The following DCTPP1 variants were observed in gnomAD, a reference collection of about 807,000 sequenced individuals.
DCTPP1 encodes dCTP pyrophosphatase 1, also known as XTP3-transactivated gene A protein.
Under a neutral mutation model 8.8 loss-of-function variants are expected in DCTPP1, and 8 were observed. The observed-to-expected ratio is 0.91, with a 90% CI of 0.54 to 1.64. The LOEUF is 1.64. DCTPP1 is among the 40% of genes most tolerant of loss of function. DCTPP1 has a pLI of 0.00. For synonymous variants in DCTPP1, 85 were observed against 92.1 expected, an observed-to-expected ratio of 0.92 and a Z score of 0.44; for missense variants, 231 against 230.4, an observed-to-expected ratio of 1.00 and a Z score of -0.02.
At chr16:30,427,353 C>G (rs1223943530) in intron 2 of DCTPP1, among the ~76,000 whole-genome samples, 2 of 151,488 alleles carry the variant, frequency 1.3e-5, no homozygotes, top group Non-Finnish European at 2.9e-5. Flanking sequence ...TGCTCTGTCG[C>G]CCAGGCTGGA....
intron 2 of DCTPP1, among the ~76,000 whole-genome samples, chr16:30,428,573 T>C (rs377113337): frequency 6.6e-6 from 1 of 151,760 alleles, no homozygotes; most frequent in Non-Finnish European, 1.5e-5. Context: ...AATTTGAGAC[T>C]AGCCTGACCA....
chr16:30,428,824 T>G, intron 2 of DCTPP1: 1 of 424,010 alleles, frequency 2.4e-6, no homozygotes, highest in South Asian at 6.8e-5. Flanking sequence ...TGCCACTGCT[T>G]CTTCCTAGAC....
At chr16:30,424,563 T>A in intron 2 of DCTPP1, 30 bp from the exon 3 acceptor site, 2 of 1,604,288 alleles carry the variant, frequency 1.2e-6, no homozygotes, top group Middle Eastern at 1.9e-4. Flanking sequence ...AGACACACAC[T>A]CAGATGTAAC....
chr16:30,427,319 T>G (rs77678079), intron 2 of DCTPP1, among the ~76,000 whole-genome samples: 2 of 141,016 alleles, frequency 1.4e-5, no homozygotes, highest in Non-Finnish European at 3.1e-5. Flanking sequence ...CCCTTTTTTG[T>G]TTTTTTTTTT....
At chr16:30,428,239 C>T (rs1224039472) in intron 2 of DCTPP1, among the ~76,000 whole-genome samples, 1 of 152,228 alleles carries the variant, frequency 6.6e-6, no homozygotes, top group Non-Finnish European at 1.5e-5. Flanking sequence ...TATCACTCAT[C>T]CAACGTGTGC....
chr16:30,427,024 T>A, intron 2 of DCTPP1, among the ~76,000 whole-genome samples: 1 of 150,220 alleles, frequency 6.7e-6, no homozygotes, highest in South Asian at 2.1e-4. Flanking sequence ...TTTTTTTTTT[T>A]TTTGAGACGG....
chr16:30,424,703 C>G (rs1260637624), intron 2 of DCTPP1, among the ~76,000 whole-genome samples, 170 bp from the exon 3 acceptor site: 1 of 152,214 alleles, frequency 6.6e-6, no homozygotes, highest in African/African-American at 2.4e-5. Flanking sequence ...ATGTCTGTGT[C>G]TCTCCCTGGG....
In DCTPP1 at chr16:30,424,227, A is replaced by G; in HGVS notation, c.*6T>C. On this transcript the variant is annotated 3_prime_UTR_variant, in exon 3 of 3. Transcript: ENST00000319285. ...ACCCTGAGTTGCAAGTCCTGTGGCC[A>G]TCTTTCTAGGTTGAGGTCTGGCCTG... is the stretch of plus-strand genomic sequence containing the variant. The G allele has an allele frequency of 6.2e-7, 1 of 1,612,282 alleles. No homozygotes were observed. The highest frequency in any genetic ancestry group is 8.5e-7 in the Non-Finnish European group (1 of 1,178,606).
Position 30,430,014 on chromosome 16 carries a change from A to T in DCTPP1, c.-34T>A. The T allele has an allele frequency of 7.0e-7, 1 of 1,419,752 alleles. No individual in the cohort carries two copies. Among genetic ancestry groups the T allele is most frequent in the Non-Finnish European group, 9.2e-7 (1 of 1,084,306 alleles). 87.9% of individuals were successfully genotyped at this position (1,419,752 alleles called of 1,614,324 possible). ...CCGCTGCACCGCGACTTCACGGAAA[A>T]CCCACGAGCCACGCTCGAAGCCCCG... On this transcript the variant is annotated 5_prime_UTR_variant, in exon 1 of 3. Coordinates refer to ENST00000319285, the MANE Select transcript of DCTPP1 (RefSeq NM_024096.2).
chr16:30,424,203 C>G lies in DCTPP1; in HGVS notation c.*30G>C, dbSNP rs773840691. The G allele has an allele frequency of 6.2e-7, 1 of 1,607,966 alleles. No individual in the cohort carries two copies. The highest frequency in any genetic ancestry group is 1.7e-5 in the Admixed American group (1 of 59,692). On this transcript the variant is annotated 3_prime_UTR_variant, in exon 3 of 3. Coordinates refer to ENST00000319285, the MANE Select transcript of DCTPP1 (RefSeq NM_024096.2). Reference sequence around the variant, plus strand: ...GCCACTCTCTGCTCTTCAGACACCACCCTGAGTTGCAAGTCCTGTGGCCAT... The same window carrying G: ...GCCACTCTCTGCTCTTCAGACACCAGCCTGAGTTGCAAGTCCTGTGGCCAT...
At chr16:30,429,451 G>T (rs1410046402) in intron 1 of DCTPP1, 1 of 419,542 alleles carries the variant, frequency 2.4e-6, no homozygotes, top group African/African-American at 2.1e-5. Context: ...CCTCCACCTG[G>T]AATCGCCGCA....
Position 30,430,020 on chromosome 16 carries a change from G to A in DCTPP1, c.-40C>T, listed in dbSNP as rs1260915649. 3.5e-6 allele frequency: 5 copies of A among 1,422,234 alleles called. No homozygotes were observed. Among genetic ancestry groups the A allele is most frequent in the Non-Finnish European group, 2.8e-6 (3 of 1,083,980 alleles). The allele number at this position is 1,422,234 out of a possible 1,614,324, so 88.1% of individuals were successfully genotyped here. ...CACCGCGACTTCACGGAAAACCCACGAGCCACGCTCGAAGCCCCGCCTCCA... is the reference window on the plus strand; with the variant it reads ...CACCGCGACTTCACGGAAAACCCACAAGCCACGCTCGAAGCCCCGCCTCCA... On this transcript the variant is annotated 5_prime_UTR_variant, in exon 1 of 3. Coordinates refer to ENST00000319285, the MANE Select transcript of DCTPP1 (RefSeq NM_024096.2).
At chr16:30,425,993 C>A (rs1486787352) in intron 2 of DCTPP1, among the ~76,000 whole-genome samples, 4 of 152,220 alleles carry the variant, frequency 2.6e-5, no homozygotes, top group Admixed American at 1.3e-4. Flanking sequence ...CACTCCCCGC[C>A]TAAGGCCACT....
In DCTPP1 at chr16:30,424,173, G is replaced by C. The variant is rs1302932707; in HGVS notation, c.*60C>G. The stretch of plus-strand genomic sequence containing the variant: ...GAAAAGACTAGAAAAAGGCTCCAGG[G>C]CCAGGCCACTCTCTGCTCTTCAGAC... On this transcript the variant is annotated 3_prime_UTR_variant, in exon 3 of 3. Coordinates refer to ENST00000319285, the MANE Select transcript of DCTPP1 (RefSeq NM_024096.2). 4 of 1,576,832 alleles carry C rather than the reference G, an allele frequency of 2.5e-6. No individual in the cohort carries two copies. Among genetic ancestry groups the C allele is most frequent in the Non-Finnish European group, 2.6e-6 (3 of 1,160,236 alleles).
intron 1 of DCTPP1, 110 bp downstream of exon 1, chr16:30,429,770 G>A: frequency 2.7e-6 from 3 of 1,091,634 alleles, no homozygotes; most frequent in Non-Finnish European, 3.9e-6. Flanking sequence ...CACAGAGCCA[G>A]GACCCGAGCC....
At chr16:30,425,991 G>A (rs756806637) in intron 2 of DCTPP1, among the ~76,000 whole-genome samples, 1 of 151,832 alleles carries the variant, frequency 6.6e-6, no homozygotes, top group Non-Finnish European at 1.5e-5. Flanking sequence ...CTCACTCCCC[G>A]CCTAAGGCCA....
intron 2 of DCTPP1, 165 bp downstream of exon 2, chr16:30,428,892 C>T (rs747840395): frequency 1.6e-6 from 1 of 635,368 alleles, no homozygotes; most frequent in South Asian, 2.3e-5. Flanking sequence ...GGCTGAGTGC[C>T]CCTAGAGGGC....
intron 2 of DCTPP1, among the ~76,000 whole-genome samples, chr16:30,427,785 G>A (rs550195291): frequency 1.7e-4 from 26 of 152,248 alleles, no homozygotes; most frequent in African/African-American, 5.5e-4. Context: ...TTGAGACCAG[G>A]AGTTTGAGAC....
intron 2 of DCTPP1, among the ~76,000 whole-genome samples, 199 bp from the exon 3 acceptor site, chr16:30,424,732 A>C (rs1301684017): frequency 6.6e-6 from 1 of 152,166 alleles, no homozygotes; most frequent in East Asian, 1.9e-4. Flanking sequence ...TGGCCAAAAG[A>C]ATGTTTCATC....
Sources: allele counts gnomAD v4.1 joint callset (sites outside exome capture counted in the v4.1 genomes callset), GRCh38; gene constraint gnomAD v4.1.1; transcripts MANE v1.5; gene names NCBI Gene and HGNC (gene_info 2026-07-23, HGNC 2026-07-21).